ARID5B: variants seen among roughly 807,000 people sequenced by gnomAD.
The protein encoded by ARID5B is AT-rich interaction domain 5B, also known as AT-rich interactive domain-containing protein 5B.
A neutral mutation model predicts 97.2 loss-of-function variants in ARID5B; 13 were observed. The observed-to-expected ratio is 0.13, with a 90% confidence interval of 0.09 to 0.21. The LOEUF is 0.21. Among genes scored for constraint, ARID5B ranks in the 10% least tolerant of loss-of-function variants. The probability of loss-of-function intolerance (pLI) is 1.00; values close to 1 mark genes in which losing one functional copy is unlikely to be tolerated. For missense variants in ARID5B, 1,210 were observed against 1,465.3 expected (o/e 0.83, Z 2.84); for synonymous variants, 556 against 570.3 (o/e 0.97, Z 0.36).
chr10:61,991,767 C>T (rs577213545), intron 3 of ARID5B, among the ~76,000 whole-genome samples: 3 of 152,238 alleles, frequency 2.0e-5, no homozygotes, highest in South Asian at 2.1e-4. Context: ...CGGTGGCTCA[C>T]GCCTGTAATC....
chr10:61,903,960 T>C (rs1843665694), intron 2 of ARID5B, among the ~76,000 whole-genome samples: 1 of 150,452 alleles, frequency 6.6e-6, no homozygotes, highest in African/African-American at 2.5e-5. Context: ...GCCTGCAATT[T>C]TAAAAAGGTG....
intron 2 of ARID5B, among the ~76,000 whole-genome samples, chr10:61,938,982 T>C (rs1844353372): frequency 6.7e-6 from 1 of 150,282 alleles, no homozygotes; most frequent in African/African-American, 2.4e-5. Flanking sequence ...TGTGTGTGTG[T>C]GTGTGTGTGT....
chr10:62,002,947 C>CA (rs1453670953), intron 4 of ARID5B, among the ~76,000 whole-genome samples: 2 of 152,068 alleles, frequency 1.3e-5, no homozygotes, highest in East Asian at 3.8e-4. Flanking sequence ...GCCATATCAC[C>CA]AGGTGGATGA....
intron 7 of ARID5B, among the ~76,000 whole-genome samples, chr10:62,066,222 T>C (rs765370578): frequency 1.7e-4 from 26 of 152,230 alleles, no homozygotes; most frequent in Non-Finnish European, 3.4e-4. Flanking sequence ...TCTCTCCTTA[T>C]TGGGCTCTGA....
At chr10:61,994,565 C>G (rs986153752) in intron 3 of ARID5B, among the ~76,000 whole-genome samples, 6 of 152,132 alleles carry the variant, frequency 3.9e-5, no homozygotes, top group African/African-American at 1.4e-4. Flanking sequence ...ACAACTTGAG[C>G]AACCTGCTAT....
At chr10:62,027,163 C>A (rs1373890833) in intron 4 of ARID5B, among the ~76,000 whole-genome samples, 1 of 151,984 alleles carries the variant, frequency 6.6e-6, no homozygotes, top group African/African-American at 2.4e-5. Flanking sequence ...CCTAGTCCTT[C>A]CTATCTGTCA....
At chr10:61,902,075 G>A in intron 1 of ARID5B, 84 bp from the exon 2 acceptor site, 2 of 1,515,020 alleles carry the variant, frequency 1.3e-6, no homozygotes, top group Non-Finnish European at 1.8e-6. Context: ...GAGAGTGGAT[G>A]TCTGTGTGTA....
At chr10:61,993,435 G>A (rs1838954726) in intron 3 of ARID5B, among the ~76,000 whole-genome samples, 1 of 152,138 alleles carries the variant, frequency 6.6e-6, no homozygotes, top group Non-Finnish European at 1.5e-5. Context: ...ATAATGTCCT[G>A]TAATTAGAAC....
At chr10:61,921,789 ATTC>A (rs927360635) in intron 2 of ARID5B, among the ~76,000 whole-genome samples, 5 of 152,114 alleles carry the variant, frequency 3.3e-5, no homozygotes, top group African/African-American at 9.7e-5. Flanking sequence ...GTTGAAAGGT[ATTC>A]TTCTTACTCT....
chr10:61,994,998 T>C (rs1430580260), intron 3 of ARID5B, among the ~76,000 whole-genome samples: 1 of 152,186 alleles, frequency 6.6e-6, no homozygotes, highest in African/African-American at 2.4e-5. Context: ...TAGAATATCA[T>C]AATTATGGTT....
intron 2 of ARID5B, among the ~76,000 whole-genome samples, chr10:61,903,234 C>A (rs979087767): frequency 2.6e-5 from 4 of 152,040 alleles, no homozygotes; most frequent in Middle Eastern, 3.2e-3. Context: ...GCGGGTCCAG[C>A]GTTCTCCGTG....
At chr10:61,974,053 C>G (rs1009249935) in intron 3 of ARID5B, among the ~76,000 whole-genome samples, 1 of 152,160 alleles carries the variant, frequency 6.6e-6, no homozygotes, top group African/African-American at 2.4e-5. Context: ...GCTTACTTGG[C>G]TTTACTCTTT....
At position 62,095,576 on chromosome 10, in the gene ARID5B, A is replaced by G. The variant is rs1840457908; in HGVS notation, c.*2546A>G. On this transcript the variant is annotated 3_prime_UTR_variant, in exon 10 of 10. Coordinates refer to ENST00000279873, the MANE Select transcript of ARID5B (RefSeq NM_032199.3). ...GAGACTCACTGTTTCTGTCTGAGGAAGCTCATACCCTCGGCAAAACATCAG... is the reference window on the plus strand; with the variant it reads ...GAGACTCACTGTTTCTGTCTGAGGAGGCTCATACCCTCGGCAAAACATCAG... 4.3e-6 allele frequency: 1 copy of G among 233,452 alleles called. No homozygotes were observed. The highest frequency in any genetic ancestry group is 8.5e-6 in the Non-Finnish European group (1 of 117,984). The allele number at this position is 233,452 out of a possible 1,614,324, so 14.5% of individuals were successfully genotyped here. A position where few individuals can be genotyped will look rare whatever the true frequency, so the allele number is the denominator to read the frequency against.
Position 62,092,040 on chromosome 10 carries a change from G to A in ARID5B, c.2577G>A (p.Arg859=), listed in dbSNP as rs934868974. ...HNEQTSKYPS[R]DMYRESENSS... ...AACAGACATCCAAATACCCTTCCAG[G>A]GACATGTACAGGGAATCGGAAAACA... The change falls in exon 10 of 10, where the codon AGG becomes AGA. Residue 859 remains arginine, a synonymous_variant. Transcript: ENST00000279873. The A allele has an allele frequency of 5.1e-5, 82 of 1,613,848 alleles. No individual in the cohort carries two copies. Among genetic ancestry groups the A allele is most frequent in the Non-Finnish European group, 6.9e-5 (81 of 1,180,002 alleles).
chr10:62,007,397 A>G (rs1213507019), intron 4 of ARID5B, among the ~76,000 whole-genome samples: 10 of 152,146 alleles, frequency 6.6e-5, no homozygotes, highest in Non-Finnish European at 5.9e-5. Flanking sequence ...CAGCTATTAT[A>G]TGTGAGGTGC....
chr10:62,033,282 G>C (rs999688825), intron 4 of ARID5B, among the ~76,000 whole-genome samples: 2 of 152,090 alleles, frequency 1.3e-5, no homozygotes, highest in African/African-American at 4.8e-5. Flanking sequence ...CTCTCTCTCT[G>C]TCTGTCACTC....
chr10:61,925,076 A>T (rs564825843), intron 2 of ARID5B, among the ~76,000 whole-genome samples: 2 of 152,082 alleles, frequency 1.3e-5, no homozygotes, highest in Non-Finnish European at 2.9e-5. Context: ...ATGGTGGCAC[A>T]TACCTGTAAT....
intron 3 of ARID5B, among the ~76,000 whole-genome samples, chr10:61,969,550 G>T (rs1444549108): frequency 6.6e-6 from 1 of 152,110 alleles, no homozygotes; most frequent in Non-Finnish European, 1.5e-5. Context: ...ATTTTGTGAA[G>T]GTGCTGAGGA....
At chr10:61,930,449 G>A (rs372479219) in intron 2 of ARID5B, among the ~76,000 whole-genome samples, 2 of 152,046 alleles carry the variant, frequency 1.3e-5, no homozygotes, top group East Asian at 1.9e-4. Context: ...GGCCAGGTGC[G>A]GTGGCTCACA....
Sources: allele counts gnomAD v4.1 joint callset (sites outside exome capture counted in the v4.1 genomes callset), GRCh38; gene constraint gnomAD v4.1.1; transcripts MANE v1.5; gene names NCBI Gene and HGNC (gene_info 2026-07-23, HGNC 2026-07-21).